Variants in KIT observed in about 807,000 individuals in gnomAD.
KIT encodes the protein KIT proto-oncogene, receptor tyrosine kinase.
A neutral mutation model predicts 105.7 loss-of-function variants in KIT; 16 were observed. The ratio of observed to expected loss-of-function variants is 0.15; its 90% confidence interval spans 0.10 to 0.23. KIT has a LOEUF of 0.23. Ranked by LOEUF, KIT falls within the 10% of genes least tolerant of loss-of-function variation. KIT has a pLI of 1.00. For synonymous variants in KIT, 438 were observed against 441.1 expected, an observed-to-expected ratio of 0.99 and a Z score of 0.09; for missense variants, 858 against 1,213.8, an observed-to-expected ratio of 0.71 and a Z score of 4.36.
At chr4:54,697,420 T>C (rs944470777) in intron 2 of KIT, among the ~76,000 whole-genome samples, 1 of 152,238 alleles carries the variant, frequency 6.6e-6, no homozygotes, top group Non-Finnish European at 1.5e-5. Flanking sequence ...GTATCTGTAT[T>C]ATGACACTGT....
At chr4:54,671,846 A>C (rs2109571467) in intron 1 of KIT, among the ~76,000 whole-genome samples, 1 of 152,288 alleles carries the variant, frequency 6.6e-6, no homozygotes, top group East Asian at 1.9e-4. Context: ...TAGCTTCAAC[A>C]CTTACCAATA....
At position 54,684,216 on chromosome 4, in the gene KIT, C is replaced by T. The variant is rs1440423859; in HGVS notation, c.68-11296C>T. ...TGGGGTGGTGCAGCCTGACTGCCTC[C>T]GCTGCAAAGGATGTGCCTTTGTGTG... On this transcript the variant is annotated intron_variant, in intron 1 of 20. Coordinates refer to ENST00000288135, the MANE Select transcript of KIT (RefSeq NM_000222.3). 2.6e-5 allele frequency among the ~76,000 whole-genome samples: 4 copies of T among 152,130 alleles called. No homozygotes were observed. The South Asian group carries it at 6.2e-4, about 24-fold the overall frequency.
chr4:54,698,615 A>G, intron 3 of KIT, 50 bp downstream of exon 3: 1 of 1,594,858 alleles, frequency 6.3e-7, no homozygotes, highest in Non-Finnish European at 8.6e-7. Flanking sequence ...TCACTTATCT[A>G]AAGAAGACTT....
At chr4:54,686,935 T>C (rs1397694227) in intron 1 of KIT, among the ~76,000 whole-genome samples, 2 of 152,216 alleles carry the variant, frequency 1.3e-5, no homozygotes, top group Non-Finnish European at 2.9e-5. Context: ...TAAGAGAAAG[T>C]GTGATCCGTC....
chr4:54,665,809 T>C (rs1404824656), intron 1 of KIT, among the ~76,000 whole-genome samples: 1 of 152,206 alleles, frequency 6.6e-6, no homozygotes, highest in Non-Finnish European at 1.5e-5. Context: ...AATGAAATCT[T>C]AGGGTCAGGT....
intron 4 of KIT, among the ~76,000 whole-genome samples, chr4:54,702,431 C>T (rs1021195456): frequency 6.6e-6 from 1 of 151,938 alleles, no homozygotes; most frequent in African/African-American, 2.4e-5. Context: ...TTTATATTTA[C>T]AACACAACTT....
At chr4:54,707,022 T>C (rs1443283458) in intron 5 of KIT, 76 bp from the exon 6 acceptor site, 13 of 811,242 alleles carry the variant, frequency 1.6e-5, no homozygotes, top group Non-Finnish European at 2.4e-5. Flanking sequence ...TTTTTGTAAT[T>C]CCAAGATGAG....
intron 1 of KIT, among the ~76,000 whole-genome samples, chr4:54,692,745 C>T (rs2537868): frequency 0.038 from 5,729 of 152,238 alleles, 370 homozygotes; most frequent in African/African-American, 0.13. Flanking sequence ...ATTCTTGCTG[C>T]CACATTTAGA....
At position 54,690,091 on chromosome 4, in the gene KIT, T is replaced by A. The variant is rs80158414; in HGVS notation, c.68-5421T>A. On this transcript the variant is annotated intron_variant, in intron 1 of 20. Coordinates refer to ENST00000288135, the MANE Select transcript of KIT (RefSeq NM_000222.3). ...GGGGGCTGTGTAATGTTCCATTGTA[T>A]GTATATACCACATTTTATCCAAGTT... Among the ~76,000 whole-genome samples the A allele has an allele frequency of 4.0e-3, 610 of 151,326 alleles. 4 individuals are homozygous for A. Among genetic ancestry groups the A allele is most frequent in the African/African-American group, 0.014 (569 of 41,032 alleles).
intron 1 of KIT, among the ~76,000 whole-genome samples, chr4:54,679,787 T>C (rs1718771814): frequency 6.6e-6 from 1 of 152,208 alleles, no homozygotes; most frequent in Non-Finnish European, 1.5e-5. Flanking sequence ...GACGAATGGA[T>C]AAACAAAAAT....
chr4:54,683,546 A>C (rs545079227), intron 1 of KIT, among the ~76,000 whole-genome samples: 1 of 152,376 alleles, frequency 6.6e-6, no homozygotes, highest in East Asian at 1.9e-4. Context: ...GTATGCATTT[A>C]TACATTTCAT....
intron 7 of KIT, among the ~76,000 whole-genome samples, chr4:54,721,946 C>G (rs912818916): frequency 6.6e-6 from 1 of 151,970 alleles, no homozygotes; most frequent in East Asian, 1.9e-4. Flanking sequence ...AATTGGTTAT[C>G]CAAGAAAGGT....
intron 1 of KIT, among the ~76,000 whole-genome samples, chr4:54,671,788 T>C (rs1391705029): frequency 6.6e-6 from 1 of 152,186 alleles, no homozygotes; most frequent in Non-Finnish European, 1.5e-5. Flanking sequence ...TTTTTATTTA[T>C]GGCAACATTT....
chr4:54,736,332 G>C (rs140500521), intron 17 of KIT, among the ~76,000 whole-genome samples, 166 bp from the exon 18 acceptor site: 1 of 152,284 alleles, frequency 6.6e-6, no homozygotes, highest in African/African-American at 2.4e-5. Flanking sequence ...GTATTTCAGA[G>C]GTGATTGGGA....
chr4:54,676,129 T>C (rs1173392403), intron 1 of KIT, among the ~76,000 whole-genome samples: 1 of 152,184 alleles, frequency 6.6e-6, no homozygotes, highest in African/African-American at 2.4e-5. Flanking sequence ...GTAAAATTGT[T>C]TGCTGCGCTA....
intron 6 of KIT, among the ~76,000 whole-genome samples, chr4:54,708,489 T>TA (rs1720929136): frequency 6.6e-6 from 1 of 152,112 alleles, no homozygotes; most frequent in Non-Finnish European, 1.5e-5. Flanking sequence ...TATCAGTCAC[T>TA]TACTGGCTGC....
chr4:54,662,994 GAA>G (rs1041804083), intron 1 of KIT, among the ~76,000 whole-genome samples: 3 of 141,718 alleles, frequency 2.1e-5, no homozygotes, highest in Admixed American at 6.9e-5. Flanking sequence ...CTCCAGGGGG[GAA>G]AAAAAAAAAC....
intron 1 of KIT, among the ~76,000 whole-genome samples, chr4:54,682,769 G>A (rs111518580): frequency 0.19 from 24,689 of 128,508 alleles, 4,023 homozygotes; most frequent in African/African-American, 0.49. Context: ...TTTTTTTTTA[G>A]AAGACAGAGT....
intron 1 of KIT, among the ~76,000 whole-genome samples, chr4:54,681,720 C>T (rs1718933554): frequency 6.6e-6 from 1 of 151,668 alleles, no homozygotes; most frequent in South Asian, 2.1e-4. Flanking sequence ...GGTCCTTATT[C>T]TAATTCTGTG....
Sources: allele counts gnomAD v4.1 joint callset (sites outside exome capture counted in the v4.1 genomes callset), GRCh38; gene constraint gnomAD v4.1.1; transcripts MANE v1.5; gene names NCBI Gene and HGNC (gene_info 2026-07-23, HGNC 2026-07-21).